Variants in MMP27 observed in about 807,000 individuals in gnomAD.
MMP27 encodes the protein matrix metalloproteinase-27.
Under a neutral mutation model 48.1 loss-of-function variants are expected in MMP27, and 51 were observed. The observed-to-expected ratio is 1.06, with a 90% CI of 0.85 to 1.34. MMP27 has a LOEUF of 1.34. MMP27 is among the 40% of genes most tolerant of loss of function. The pLI, the probability that MMP27 is intolerant of heterozygous loss-of-function variation, is 0.00. For missense variants in MMP27, 698 were observed against 619.3 expected (o/e 1.13, Z -1.35); for synonymous variants, 229 against 208.9 (o/e 1.10, Z -0.83).
At chr11:102,699,268 A>T (rs542564174) in intron 4 of MMP27, among the ~76,000 whole-genome samples, 37 of 152,074 alleles carry the variant, frequency 2.4e-4, no homozygotes, top group Non-Finnish European at 5.0e-4. Flanking sequence ...GGAGTTCAAG[A>T]GCAGCCTGGG....
Position 102,691,863 on chromosome 11 carries a change from G to A in MMP27, c.1445C>T (p.Ala482Val), listed in dbSNP as rs139805314. The A allele has an allele frequency of 2.5e-6, 4 of 1,613,382 alleles. No individual in the cohort carries two copies. Among genetic ancestry groups the A allele is most frequent in the Admixed American group, 3.3e-5 (2 of 59,990 alleles). ...CAATATCTTTATGCCTCCTGAATGT[G>A]CTTTTTCCTTGTTGATATCAAAACC... is the stretch of plus-strand genomic sequence containing the variant. The part of the protein sequence containing the change: ...SFGFDINKEK[A>V]HSGGIKILYH... Residue 482 changes from alanine to valine, a missense_variant, in exon 10 of 10, where the codon GCA becomes GTA. Ala to Val is a moderately conservative substitution (Grantham distance 64, BLOSUM62 0). Coordinates refer to ENST00000260229, the MANE Select transcript of MMP27 (RefSeq NM_022122.3).
chr11:102,703,651 T>C (rs1860989412), intron 2 of MMP27, among the ~76,000 whole-genome samples: 1 of 152,008 alleles, frequency 6.6e-6, no homozygotes, highest in South Asian at 2.1e-4. Context: ...GCCTCCTGAG[T>C]AGCTGGGACT....
chr11:102,693,062 G>T lies in MMP27; in HGVS notation c.1194-21C>A. 6 of 1,583,300 alleles carry T rather than the reference G, an allele frequency of 3.8e-6. 1 individual carries two copies. The highest frequency in any genetic ancestry group is 5.2e-6 in the Non-Finnish European group (6 of 1,153,314). On this transcript the variant is annotated intron_variant, in intron 8 of 9. Coordinates refer to ENST00000260229, the MANE Select transcript of MMP27 (RefSeq NM_022122.3). ...CAAACCTGCATACAAGAATATGAAA[G>T]GATACCAGCGGATCTTTGGTTTGGG...
chr11:102,693,652 A>T (rs936300386), intron 8 of MMP27, among the ~76,000 whole-genome samples: 7 of 152,098 alleles, frequency 4.6e-5, no homozygotes, highest in African/African-American at 1.4e-4. Context: ...GCGTGGTGGC[A>T]CATGCCTGTA....
intron 3 of MMP27, 29 bp downstream of exon 3, chr11:102,702,941 A>G (rs1464910312): frequency 1.2e-6 from 2 of 1,611,968 alleles, no homozygotes; most frequent in East Asian, 4.5e-5. Context: ...TGAGATAAAA[A>G]TAGCTTTGCT....
At chr11:102,700,154 G>C (rs1029366710) in intron 4 of MMP27, among the ~76,000 whole-genome samples, 1 of 152,186 alleles carries the variant, frequency 6.6e-6, no homozygotes. Flanking sequence ...TTTTATGACA[G>C]AGCCTGAGTC....
rs749235977 is a variant in MMP27 at position 102,702,998 on chromosome 11, T to C, written c.462A>G (p.Ala154=). 1.2e-6 allele frequency: 2 copies of C among 1,614,212 alleles called. No homozygotes were observed. Among genetic ancestry groups the C allele is most frequent in the Non-Finnish European group, 1.7e-6 (2 of 1,180,026 alleles). ...GAGTCCTAAAGGCAATCATGATGTC[T>C]GCAATCCCCTTTGAAATCTTGGTGA... is the stretch of plus-strand genomic sequence containing the variant. ...LKFTKISKGI[A]DIMIAFRTRV... is the part of the protein sequence containing the mutation. Residue 154 remains alanine (A), a synonymous_variant, in exon 3 of 10, where the codon GCA becomes GCG. Coordinates refer to ENST00000260229, the MANE Select transcript of MMP27 (RefSeq NM_022122.3).
In MMP27 at chr11:102,694,082, G is replaced by T; in HGVS notation, c.1034-17C>A. ...AGTTTTCATCTAGGAAGAGAGGAGT[G>T]ATTATTTATTTTCTAGAGGGAGAAA... On this transcript the variant is annotated splice_polypyrimidine_tract_variant and intron_variant, in intron 7 of 9. Coordinates refer to ENST00000260229, the MANE Select transcript of MMP27 (RefSeq NM_022122.3). The T allele has an allele frequency of 6.6e-7, 1 of 1,517,956 alleles. No homozygotes were observed. The highest frequency in any genetic ancestry group is 1.3e-5 in the South Asian group (1 of 74,860). The allele number at this position is 1,517,956 out of a possible 1,614,324, so 94.0% of individuals were successfully genotyped here. A position where few individuals can be genotyped will look rare whatever the true frequency, so the allele number is the denominator to read the frequency against.
intron 9 of MMP27, among the ~76,000 whole-genome samples, chr11:102,692,731 T>C (rs1389593193): frequency 1.3e-5 from 2 of 152,230 alleles, no homozygotes; most frequent in African/African-American, 2.4e-5. Flanking sequence ...ACTTTTTACA[T>C]AGATTTGAGA....
At chr11:102,702,695 T>A (rs113938836) in intron 4 of MMP27, 58 bp downstream of exon 4, 134 of 1,534,770 alleles carry the variant, frequency 8.7e-5, no homozygotes, top group Non-Finnish European at 1.1e-4. Context: ...ACAAAGCTAT[T>A]CTTTTCAGGG....
intron 2 of MMP27, 40 bp downstream of exon 2, chr11:102,704,497 T>A: frequency 7.0e-7 from 1 of 1,422,792 alleles, no homozygotes; most frequent in Non-Finnish European, 9.9e-7. Flanking sequence ...ATCTTTATGT[T>A]CCTTTGGATT....
chr11:102,691,773 T>G lies in MMP27; in HGVS notation c.1535A>C (p.Tyr512Ser). 1 of 1,586,066 alleles carries G rather than the reference T, an allele frequency of 6.3e-7. No individual in the cohort carries two copies. The highest frequency in any genetic ancestry group is 1.1e-5 in the South Asian group (1 of 87,150). ...IVHLLKNTSI[Y>S]Q is the part of the protein sequence containing the mutation. Reference sequence around the variant, plus strand: ...TATTTTAGGTCTATGAATTTATTGATAAATAGAAGTGTTTTTCAGCAAATG... The same window carrying G: ...TATTTTAGGTCTATGAATTTATTGAGAAATAGAAGTGTTTTTCAGCAAATG... Residue 512 changes from tyrosine (Y) to serine (S), a missense_variant, in exon 10 of 10, where the codon TAT becomes TCT. By Grantham distance (144) the Tyr-to-Ser change is moderately radical. Transcript: ENST00000260229.
At chr11:102,697,872 G>A (rs1747033396) in intron 4 of MMP27, among the ~76,000 whole-genome samples, 1 of 152,122 alleles carries the variant, frequency 6.6e-6, no homozygotes, top group Non-Finnish European at 1.5e-5. Flanking sequence ...TTGTTGTACA[G>A]CTGTACAAAA....
At chr11:102,702,635 T>C (rs1860962066) in intron 4 of MMP27, 118 bp downstream of exon 4, 2 of 1,185,710 alleles carry the variant, frequency 1.7e-6, no homozygotes, top group East Asian at 2.4e-5. Flanking sequence ...TCTTGGAATA[T>C]GGAAAATTGT....
intron 4 of MMP27, among the ~76,000 whole-genome samples, chr11:102,700,654 C>G (rs942462849): frequency 6.6e-6 from 1 of 152,228 alleles, no homozygotes; most frequent in Non-Finnish European, 1.5e-5. Flanking sequence ...CAGTGTCTGC[C>G]AAACTACAAA....
In MMP27 at chr11:102,696,855, A is replaced by G. The variant is rs1457201355; in HGVS notation, c.620-20T>C. On this transcript the variant is annotated intron_variant, in intron 4 of 9. Coordinates refer to ENST00000260229, the MANE Select transcript of MMP27 (RefSeq NM_022122.3). The stretch of plus-strand genomic sequence containing the variant: ...TGAATCCTTGATAATAACAGGGAAA[A>G]CACGAGCACATGACTTAATCAAAAA... The G allele has an allele frequency of 6.2e-7, 1 of 1,600,620 alleles. No individual in the cohort carries two copies. Among genetic ancestry groups the G allele is most frequent in the Admixed American group, 1.8e-5 (1 of 56,854 alleles).
At position 102,694,115 on chromosome 11, in the gene MMP27, C is replaced by G. The variant is rs116386183; in HGVS notation, c.1034-50G>C. 3,410 of 1,388,334 alleles carry G rather than the reference C, an allele frequency of 2.5e-3. 75 individuals are homozygous for G. The African/African-American group carries it at 0.046, about 19-fold the overall frequency. 86.0% of individuals were successfully genotyped at this position (1,388,334 alleles called of 1,614,324 possible). A position where few individuals can be genotyped will look rare whatever the true frequency, so the allele number is the denominator to read the frequency against. On this transcript the variant is annotated intron_variant, in intron 7 of 9. Transcript: ENST00000260229. ...ATTTTCTAGAGGGAGAAATAGGTATCTCAAGAAATTTAAAAATCATTAGAT... is the reference window on the plus strand; with the variant it reads ...ATTTTCTAGAGGGAGAAATAGGTATGTCAAGAAATTTAAAAATCATTAGAT...
At position 102,691,716 on chromosome 11, in the gene MMP27, G is replaced by A; in HGVS notation, c.*50C>T. ...AAGAATGGTTTTATTCTATTTTGAA[G>A]CAGAATTTATATTAAAAGACCTGTT... On this transcript the variant is annotated 3_prime_UTR_variant, in exon 10 of 10. Transcript: ENST00000260229. The A allele has an allele frequency of 4.9e-6, 7 of 1,431,258 alleles. No individual in the cohort carries two copies. Among genetic ancestry groups the A allele is most frequent in the Non-Finnish European group, 4.7e-6 (5 of 1,066,312 alleles). 88.7% of individuals were successfully genotyped at this position (1,431,258 alleles called of 1,614,324 possible). A position where few individuals can be genotyped will look rare whatever the true frequency, so the allele number is the denominator to read the frequency against.
rs138603447 is a variant in MMP27 at position 102,698,144 on chromosome 11, A to G, written c.620-1309T>C. Among the ~76,000 whole-genome samples the G allele has an allele frequency of 8.9e-4, 136 of 152,240 alleles. 1 individual carries two copies. In the East Asian group the frequency reaches 0.02, roughly 23 times the overall value. ...GAGGTATAGTACATTAAATACATAAACCAGTAACATGGTTGCTTATTATCA... is the reference window on the plus strand; with the variant it reads ...GAGGTATAGTACATTAAATACATAAGCCAGTAACATGGTTGCTTATTATCA... On this transcript the variant is annotated intron_variant, in intron 4 of 9. Transcript: ENST00000260229.
Sources: allele counts gnomAD v4.1 joint callset (sites outside exome capture counted in the v4.1 genomes callset), GRCh38; gene constraint gnomAD v4.1.1; transcripts MANE v1.5; gene names NCBI Gene and HGNC (gene_info 2026-07-23, HGNC 2026-07-21).